MAP4K3: variants seen among roughly 807,000 people sequenced by gnomAD.
MAP4K3 encodes the protein mitogen-activated protein kinase kinase kinase kinase 3, also known as MAPK/ERK kinase kinase kinase 3.
Under a neutral mutation model 143.5 loss-of-function variants are expected in MAP4K3, and 94 were observed. The ratio of observed to expected loss-of-function variants is 0.65; its 90% CI spans 0.55 to 0.78. The LOEUF is 0.78. Ranked by LOEUF, MAP4K3 falls within the 30% of genes least tolerant of loss-of-function variation. MAP4K3 has a pLI of 0.00. For missense variants in MAP4K3, 1,077 were observed against 1,068.1 expected (o/e 1.01, Z -0.12); for synonymous variants, 416 against 347.2 (o/e 1.20, Z -2.20).
At position 39,325,619 on chromosome 2, in the gene MAP4K3, CA is replaced by C; in HGVS notation, c.816del (p.Phe272LeufsTer2). On this transcript the variant is annotated frameshift_variant, in exon 12 of 34. Transcript: ENST00000263881. LOFTEE classifies it high-confidence loss of function. ...PTAEKLLQHP[F>X]VTQHLTRSLA... The stretch of plus-strand genomic sequence containing the variant: ...AAAGACCGTGTCAAATGTTGTGTTA[CA>C]AAAGGATGCTATAAAAATTAAATAC... The C allele has an allele frequency of 1.2e-6, 2 of 1,611,424 alleles. No individual in the cohort carries two copies. The highest frequency in any genetic ancestry group is 1.7e-6 in the Non-Finnish European group (2 of 1,178,166).
At chr2:39,371,280 T>TA (rs1227943156) in intron 2 of MAP4K3, among the ~76,000 whole-genome samples, 1 of 152,210 alleles carries the variant, frequency 6.6e-6, no homozygotes, top group African/African-American at 2.4e-5. Context: ...GAGCTGTATG[T>TA]AAAGGGGCAG....
intron 16 of MAP4K3, among the ~76,000 whole-genome samples, chr2:39,297,882 T>C (rs976219634): frequency 2.6e-5 from 4 of 152,128 alleles, no homozygotes; most frequent in African/African-American, 7.2e-5. Flanking sequence ...AAAATGAAGG[T>C]TGGGCAAATT....
At chr2:39,348,596 G>C (rs1665364135) in intron 3 of MAP4K3, among the ~76,000 whole-genome samples, 1 of 151,988 alleles carries the variant, frequency 6.6e-6, no homozygotes, top group African/African-American at 2.4e-5. Context: ...ATTTTATGCA[G>C]GTCAATTATA....
chr2:39,356,446 TTAA>T, intron 2 of MAP4K3, 107 bp from the exon 3 acceptor site: 1 of 645,334 alleles, frequency 1.5e-6, no homozygotes, highest in South Asian at 1.9e-5. Flanking sequence ...TATAACATAA[TTAA>T]TGAGTTATAA....
chr2:39,258,641 T>C (rs1037941015), intron 29 of MAP4K3, 54 bp from the exon 30 acceptor site: 18 of 1,191,348 alleles, frequency 1.5e-5, no homozygotes, highest in Middle Eastern at 4.0e-4. Flanking sequence ...ACTTAAAGCA[T>C]GGAAACATTG....
At chr2:39,409,610 A>T (rs1444505368) in intron 1 of MAP4K3, among the ~76,000 whole-genome samples, 1 of 152,228 alleles carries the variant, frequency 6.6e-6, no homozygotes, top group East Asian at 1.9e-4. Context: ...CCAGTTTGTA[A>T]ATTTCTCCAG....
In MAP4K3 at chr2:39,260,879, G is replaced by C; in HGVS notation, c.2137-102C>G. 4 of 760,544 alleles carry C rather than the reference G, an allele frequency of 5.3e-6. No individual in the cohort carries two copies. The South Asian group carries it at 6.2e-5, about 12-fold the overall frequency. The allele number at this position is 760,544 out of a possible 1,614,324, so 47.1% of individuals were successfully genotyped here. ...CTTTCTACAATAAAGACTGCATCTT[G>C]TCACAGAAATTCAGGTAATGCAGAA... On this transcript the variant is annotated intron_variant, in intron 28 of 33. Transcript: ENST00000263881.
At chr2:39,430,663 C>T (rs898504376) in intron 1 of MAP4K3, among the ~76,000 whole-genome samples, 1 of 152,094 alleles carries the variant, frequency 6.6e-6, no homozygotes, top group Non-Finnish European at 1.5e-5. Flanking sequence ...ATGTGATAGC[C>T]TACTGCTGTA....
chr2:39,279,314 C>T lies in MAP4K3; in HGVS notation c.1715-828G>A, dbSNP rs115996341. On this transcript the variant is annotated intron_variant, in intron 23 of 33. Coordinates refer to ENST00000263881, the MANE Select transcript of MAP4K3 (RefSeq NM_003618.4). ...AGATTAATGGCATAAGATTTGTGGTCAGACAGTATTGGATTTAAACTGACC... is the reference window on the plus strand; with the variant it reads ...AGATTAATGGCATAAGATTTGTGGTTAGACAGTATTGGATTTAAACTGACC... Among the ~76,000 whole-genome samples, 635 of 152,246 alleles carry T rather than the reference C, an allele frequency of 4.2e-3. 6 individuals carry two copies. Among genetic ancestry groups the T allele is most frequent in the African/African-American group, 0.015 (608 of 41,542 alleles).
At chr2:39,328,543 G>T (rs1010450438) in intron 8 of MAP4K3, among the ~76,000 whole-genome samples, 1 of 152,058 alleles carries the variant, frequency 6.6e-6, no homozygotes, top group Non-Finnish European at 1.5e-5. Flanking sequence ...ATCAGATCAG[G>T]GGTTACCAGA....
In MAP4K3 at chr2:39,285,802, T is replaced by G. The variant is rs185656694; in HGVS notation, c.1587+1050A>C. ...AAAAACCCTATTCATCTTGTTGACATCTGTTGAGATATTGGGGATTTTAAG... is the reference window on the plus strand; with the variant it reads ...AAAAACCCTATTCATCTTGTTGACAGCTGTTGAGATATTGGGGATTTTAAG... On this transcript the variant is annotated intron_variant, in intron 21 of 33. Transcript: ENST00000263881. 4.6e-5 allele frequency among the ~76,000 whole-genome samples: 7 copies of G among 152,322 alleles called. No homozygotes were observed. The East Asian group carries it at 1.3e-3, about 29-fold the overall frequency.
At position 39,359,490 on chromosome 2, in the gene MAP4K3, TTC is replaced by T. The variant is rs1216652474; in HGVS notation, c.155-3153_155-3152del. On this transcript the variant is annotated intron_variant, in intron 2 of 33. Transcript: ENST00000263881. ...GTGCAAGCTGTCAGTGGATCTACCA[TTC>T]TGAGATCCAGAGGACAGTGACCACC... Among the ~76,000 whole-genome samples the T allele has an allele frequency of 6.6e-5, 10 of 152,296 alleles. No individual in the cohort carries two copies. The East Asian group carries it at 1.7e-3, about 26-fold the overall frequency.
chr2:39,369,364 C>T (rs940980899), intron 2 of MAP4K3, among the ~76,000 whole-genome samples: 1 of 151,684 alleles, frequency 6.6e-6, no homozygotes, highest in Admixed American at 6.6e-5. Context: ...CCAGGCTGAT[C>T]GTGAACTCCT....
At chr2:39,353,202 T>G (rs1193748578) in intron 3 of MAP4K3, among the ~76,000 whole-genome samples, 161 of 152,308 alleles carry the variant, frequency 1.1e-3, no homozygotes, top group Non-Finnish European at 3.5e-4. Flanking sequence ...TAACCAAGAA[T>G]GGGCTATATG....
intron 1 of MAP4K3, among the ~76,000 whole-genome samples, chr2:39,388,183 T>A (rs953290312): frequency 1.3e-5 from 2 of 152,160 alleles, no homozygotes; most frequent in African/African-American, 4.8e-5. Flanking sequence ...AGGTAACCAA[T>A]TCCAACTTTG....
At chr2:39,307,798 C>T (rs1271601155) in intron 15 of MAP4K3, 145 bp downstream of exon 15, 2 of 463,486 alleles carry the variant, frequency 4.3e-6, no homozygotes, top group Non-Finnish European at 7.3e-6. Flanking sequence ...TGGGAAAAAA[C>T]TGCTACAATT....
intron 4 of MAP4K3, among the ~76,000 whole-genome samples, chr2:39,340,290 C>A (rs1203052024): frequency 1.3e-5 from 2 of 152,056 alleles, no homozygotes; most frequent in African/African-American, 4.8e-5. Flanking sequence ...CATAGACTAG[C>A]CAAAGATTAT....
At position 39,331,994 on chromosome 2, in the gene MAP4K3, TA is replaced by T. The variant is rs755078375; in HGVS notation, c.458-6del. ...GTGCAGATACTCCAAAATCAGCTAT[TA>T]AAAAAAATGAGAAACATTTAGGAAA... On this transcript the variant is annotated splice_region_variant and splice_polypyrimidine_tract_variant and intron_variant, in intron 7 of 33. Transcript: ENST00000263881. 5.5e-5 allele frequency: 83 copies of T among 1,498,572 alleles called. No homozygotes were observed. Among genetic ancestry groups the T allele is most frequent in the South Asian group, 1.5e-4 (11 of 71,770 alleles). 92.8% of individuals were successfully genotyped at this position (1,498,572 alleles called of 1,614,324 possible).
rs149917052 is a variant in MAP4K3, at chr2:39,368,925, G to A, written c.154+9141C>T. Among the ~76,000 whole-genome samples the A allele has an allele frequency of 1.4e-4, 21 of 151,956 alleles. No individual in the cohort carries two copies. The East Asian group carries it at 3.7e-3, about 27-fold the overall frequency. On this transcript the variant is annotated intron_variant, in intron 2 of 33. Coordinates refer to ENST00000263881, the MANE Select transcript of MAP4K3 (RefSeq NM_003618.4). ...CATAAACTCAATTTTTACATATATCGTACCTCTCCCTTATCCCTTGTAACC... is the reference window on the plus strand; with the variant it reads ...CATAAACTCAATTTTTACATATATCATACCTCTCCCTTATCCCTTGTAACC...
Sources: allele counts gnomAD v4.1 joint callset (sites outside exome capture counted in the v4.1 genomes callset), GRCh38; gene constraint gnomAD v4.1.1; transcripts MANE v1.5; gene names NCBI Gene and HGNC (gene_info 2026-07-23, HGNC 2026-07-21).